The following RARB variants were observed in gnomAD, a reference collection of about 807,000 sequenced individuals.
RARB encodes the protein HBV-activated protein.
A neutral mutation model predicts 51.9 loss-of-function variants in RARB; 17 were observed. That is an observed-to-expected ratio of 0.33 (90% CI 0.22 to 0.49). The LOEUF is 0.49. Ranked by LOEUF, RARB falls within the 20% of genes least tolerant of loss-of-function variation. RARB has a pLI of 0.99. For missense variants in RARB, 369 were observed against 550.8 expected (o/e 0.67, Z 3.30); for synonymous variants, 215 against 195.4 (o/e 1.10, Z -0.84).
Position 25,328,881 on chromosome 3 carries a change from G to A in RARB, c.179-132312G>A, listed in dbSNP as rs147990371. On this transcript the variant is annotated intron_variant, in intron 5 of 11. Transcript: ENST00000383772. ...ATGGCACACCAGGAGATTATGTCCC[G>A]TGCCTGGCTCGGAGGGTCCCACACC... 5.8e-3 allele frequency among the ~76,000 whole-genome samples: 883 copies of A among 152,284 alleles called. 6 individuals carry two copies. Among genetic ancestry groups the A allele is most frequent in the Non-Finnish European group, 0.011 (722 of 68,030 alleles).
intron 3 of RARB, among the ~76,000 whole-genome samples, chr3:25,070,782 C>T (rs1461804462): frequency 6.6e-6 from 1 of 152,202 alleles, no homozygotes; most frequent in African/African-American, 2.4e-5. Flanking sequence ...TTAGTCCCTG[C>T]AGGCATCAGT....
intron 3 of RARB, among the ~76,000 whole-genome samples, chr3:25,124,110 C>G (rs1466708659): frequency 6.6e-6 from 1 of 152,154 alleles, no homozygotes; most frequent in Non-Finnish European, 1.5e-5. Flanking sequence ...CGCGGTGGCT[C>G]ACGCCTGTAA....
At chr3:24,894,341 C>A (rs1375934766) in intron 2 of RARB, among the ~76,000 whole-genome samples, 2 of 150,774 alleles carry the variant, frequency 1.3e-5, no homozygotes, top group African/African-American at 4.9e-5. Context: ...GTTTAGCTCC[C>A]ACTTACAAGT....
At chr3:24,870,976 C>A (rs958831708) in intron 2 of RARB, among the ~76,000 whole-genome samples, 1 of 151,964 alleles carries the variant, frequency 6.6e-6, no homozygotes, top group African/African-American at 2.4e-5. Flanking sequence ...AATACTAGAT[C>A]TTATTCTATC....
At chr3:25,074,776 A>G (rs905899648) in intron 3 of RARB, among the ~76,000 whole-genome samples, 5 of 152,110 alleles carry the variant, frequency 3.3e-5, no homozygotes, top group African/African-American at 7.2e-5. Flanking sequence ...TACCAGCCTC[A>G]CTTTTGTAAC....
At chr3:25,371,927 G>T (rs1706312654) in intron 5 of RARB, among the ~76,000 whole-genome samples, 1 of 152,222 alleles carries the variant, frequency 6.6e-6, no homozygotes, top group African/African-American at 2.4e-5. Context: ...CCCCACTGAG[G>T]AGATGGATTT....
At chr3:25,415,030 C>T (rs930226555) in intron 5 of RARB, among the ~76,000 whole-genome samples, 4 of 152,024 alleles carry the variant, frequency 2.6e-5, no homozygotes, top group East Asian at 1.9e-4. Context: ...TTAGTAGAGA[C>T]GGGGCTTCAC....
At chr3:24,894,262 GCCGCCC>G (rs1422480415) in intron 2 of RARB, among the ~76,000 whole-genome samples, 4 of 150,694 alleles carry the variant, frequency 2.7e-5, no homozygotes, top group Non-Finnish European at 3.0e-5. Context: ...AGCACACTGT[GCCGCCC>G]CCGCCCCCGC....
intron 2 of RARB, among the ~76,000 whole-genome samples, chr3:25,477,617 G>A (rs1182905769): frequency 6.6e-6 from 1 of 152,166 alleles, no homozygotes; most frequent in East Asian, 1.9e-4. Context: ...TTTTATAACA[G>A]CTCTATTATG....
At chr3:25,021,662 A>T (rs1184789901) in intron 2 of RARB, among the ~76,000 whole-genome samples, 1 of 152,166 alleles carries the variant, frequency 6.6e-6, no homozygotes, top group East Asian at 1.9e-4. Context: ...TGGAAAAAAA[A>T]ATACCCAATC....
intron 5 of RARB, among the ~76,000 whole-genome samples, chr3:25,235,323 A>T (rs1475161005): frequency 6.6e-6 from 1 of 152,166 alleles, no homozygotes; most frequent in Non-Finnish European, 1.5e-5. Flanking sequence ...AGTTCTCATC[A>T]TCAAATACTA....
At position 25,519,614 on chromosome 3, in the gene RARB, CAT is replaced by C. The variant is rs534217302; in HGVS notation, c.448+18293_448+18294del. 1.3e-4 allele frequency among the ~76,000 whole-genome samples: 20 copies of C among 152,134 alleles called. No homozygotes were observed. In the East Asian group the frequency reaches 3.1e-3, roughly 24 times the overall value. On this transcript the variant is annotated intron_variant, in intron 3 of 7. Transcript: ENST00000330688. ...GTTTGATCTCATATTTGTAACAACA[CAT>C]AAGATTTGAAAGATAAAACCCAAAA... is the stretch of plus-strand genomic sequence containing the variant.
chr3:25,343,996 G>A (rs1469713732), intron 5 of RARB, among the ~76,000 whole-genome samples: 3 of 152,176 alleles, frequency 2.0e-5, no homozygotes. Flanking sequence ...GTCTCTAAAT[G>A]TGTGGCATAT....
intron 2 of RARB, among the ~76,000 whole-genome samples, chr3:24,866,225 G>A (rs185942548): frequency 7.2e-5 from 11 of 151,994 alleles, no homozygotes; most frequent in Admixed American, 2.0e-4. Context: ...CAGTCCTAAC[G>A]GCTTGTAATT....
intron 5 of RARB, among the ~76,000 whole-genome samples, chr3:25,293,251 T>C (rs1213730576): frequency 6.6e-6 from 1 of 152,156 alleles, no homozygotes; most frequent in Non-Finnish European, 1.5e-5. Flanking sequence ...AAATGCCAGT[T>C]ATGCCACTTA....
At chr3:25,344,824 G>A (rs11129195) in intron 5 of RARB, among the ~76,000 whole-genome samples, 57,200 of 151,990 alleles carry the variant, frequency 0.38, 11,166 homozygotes, top group South Asian at 0.49. Context: ...CCTAATCCCA[G>A]CATGTTTTTC....
At chr3:24,903,922 A>G (rs1333760007) in intron 2 of RARB, among the ~76,000 whole-genome samples, 2 of 152,222 alleles carry the variant, frequency 1.3e-5, no homozygotes, top group Non-Finnish European at 2.9e-5. Flanking sequence ...CTAAGTCACA[A>G]GTACTAAAAG....
At chr3:24,909,696 T>TC (rs1376937943) in intron 2 of RARB, among the ~76,000 whole-genome samples, 3 of 152,116 alleles carry the variant, frequency 2.0e-5, no homozygotes, top group Non-Finnish European at 2.9e-5. Context: ...TAGGGATTCA[T>TC]CCTGTCTTTT....
At chr3:25,576,015 A>G (rs962221804) in intron 4 of RARB, among the ~76,000 whole-genome samples, 1 of 152,006 alleles carries the variant, frequency 6.6e-6, no homozygotes, top group African/African-American at 2.4e-5. Flanking sequence ...TTGAAGAAAA[A>G]TGTTCTGTAG....
Sources: gnomAD v4.1 joint callset for allele counts (sites outside exome capture counted in the v4.1 genomes callset) on GRCh38, gnomAD v4.1.1 for gene constraint, MANE v1.5 for transcripts, NCBI Gene and HGNC (gene_info 2026-07-23, HGNC 2026-07-21) for gene names.